The following GRIN2A variants were observed in gnomAD, a reference collection of about 807,000 sequenced individuals.
GRIN2A encodes glutamate ionotropic receptor NMDA type subunit 2A.
A neutral mutation model predicts 113.4 loss-of-function variants in GRIN2A; 22 were observed. The observed-to-expected ratio is 0.19, with a 90% CI of 0.14 to 0.28. GRIN2A has a LOEUF of 0.28. Ranked by LOEUF, GRIN2A falls within the 10% of genes least tolerant of loss-of-function variation. GRIN2A has a pLI of 1.00. For synonymous variants in GRIN2A, 827 were observed against 738.4 expected (o/e 1.12, Z -1.94); for missense variants, 1,502 against 1,887.0 (o/e 0.80, Z 3.78).
At chr16:9,890,410 AGAT>A (rs1320843169) in intron 4 of GRIN2A, among the ~76,000 whole-genome samples, 3 of 152,244 alleles carry the variant, frequency 2.0e-5, no homozygotes, top group Admixed American at 1.3e-4. Flanking sequence ...ATGGTACATA[AGAT>A]GATGATTTTT....
chr16:10,075,372 T>C (rs1287816528), intron 2 of GRIN2A, among the ~76,000 whole-genome samples: 2 of 152,030 alleles, frequency 1.3e-5, no homozygotes, highest in African/African-American at 4.8e-5. Context: ...CCTCTACTTA[T>C]ATGGGATACC....
At position 9,859,515 on chromosome 16, in the gene GRIN2A, T is replaced by C. The variant is rs1201749877; in HGVS notation, c.1123-9554A>G. Reference sequence around the variant, plus strand: ...ACTTATATACAGGTACATTCATGCCTACCCACGCTCACATTATAATCACAT... The same window carrying C: ...ACTTATATACAGGTACATTCATGCCCACCCACGCTCACATTATAATCACAT... On this transcript the variant is annotated intron_variant, in intron 4 of 12. Coordinates refer to ENST00000330684, the MANE Select transcript of GRIN2A (RefSeq NM_001134407.3). 2.6e-5 allele frequency among the ~76,000 whole-genome samples: 4 copies of C among 151,700 alleles called. No homozygotes were observed. The East Asian group carries it at 7.8e-4, about 30-fold the overall frequency.
At chr16:9,996,747 C>G (rs1219065871) in intron 2 of GRIN2A, among the ~76,000 whole-genome samples, 1 of 152,146 alleles carries the variant, frequency 6.6e-6, no homozygotes, top group Non-Finnish European at 1.5e-5. Context: ...ACTACAGCAC[C>G]TAGCACATAG....
chr16:9,828,127 G>A (rs2042421529), intron 9 of GRIN2A, among the ~76,000 whole-genome samples: 1 of 152,158 alleles, frequency 6.6e-6, no homozygotes, highest in African/African-American at 2.4e-5. Flanking sequence ...AGAAGATTGG[G>A]GAAGAACATT....
At chr16:9,817,400 A>G (rs1191891458) in intron 10 of GRIN2A, among the ~76,000 whole-genome samples, 1 of 152,210 alleles carries the variant, frequency 6.6e-6, no homozygotes, top group Admixed American at 6.5e-5. Context: ...GCATTTTGAC[A>G]GGTAATCATG....
At chr16:9,908,668 T>C (rs1487828702) in intron 3 of GRIN2A, among the ~76,000 whole-genome samples, 1 of 152,176 alleles carries the variant, frequency 6.6e-6, no homozygotes, top group Non-Finnish European at 1.5e-5. Flanking sequence ...TTACACTTGA[T>C]AATGAAACAA....
At chr16:10,174,256 A>G (rs1596580249) in intron 2 of GRIN2A, among the ~76,000 whole-genome samples, 1 of 152,224 alleles carries the variant, frequency 6.6e-6, no homozygotes, top group African/African-American at 2.4e-5. Context: ...ATCTGTGTCA[A>G]GGAGCCAAAA....
chr16:9,949,334 C>T (rs959613043), intron 2 of GRIN2A, among the ~76,000 whole-genome samples: 15 of 151,726 alleles, frequency 9.9e-5, no homozygotes, highest in Non-Finnish European at 2.1e-4. Context: ...GATGGATGGA[C>T]GGACGGATGA....
intron 4 of GRIN2A, among the ~76,000 whole-genome samples, chr16:9,866,909 C>A (rs1302216668): frequency 6.6e-6 from 1 of 152,146 alleles, no homozygotes; most frequent in East Asian, 1.9e-4. Flanking sequence ...TCACTTAGAA[C>A]TGCTTGACTC....
chr16:10,009,489 T>A (rs1372674246), intron 2 of GRIN2A, among the ~76,000 whole-genome samples: 1 of 152,052 alleles, frequency 6.6e-6, no homozygotes. Flanking sequence ...TAAGTGCCCT[T>A]TTATTTGTGA....
At chr16:10,087,294 T>C (rs1226949527) in intron 2 of GRIN2A, among the ~76,000 whole-genome samples, 1 of 152,230 alleles carries the variant, frequency 6.6e-6, no homozygotes, top group Admixed American at 6.5e-5. Flanking sequence ...CTGCTGTCCC[T>C]CCTCTCTACA....
At chr16:10,077,971 G>A (rs1348695739) in intron 2 of GRIN2A, among the ~76,000 whole-genome samples, 1 of 152,138 alleles carries the variant, frequency 6.6e-6, no homozygotes, top group African/African-American at 2.4e-5. Context: ...CCATCCACGT[G>A]AACCAGGATA....
In GRIN2A at chr16:9,933,961, A is replaced by C. The variant is rs141581600; in HGVS notation, c.1007+3998T>G. Among the ~76,000 whole-genome samples, 1,015 of 152,354 alleles carry C rather than the reference A, an allele frequency of 6.7e-3. 15 individuals carry two copies. Among genetic ancestry groups the C allele is most frequent in the African/African-American group, 0.023 (965 of 41,582 alleles). Reference sequence around the variant, plus strand: ...TACGGTTGCACATGTATGTGTATTGAAAGTACGAACACATGTACATGGATT... The same window carrying C: ...TACGGTTGCACATGTATGTGTATTGCAAGTACGAACACATGTACATGGATT... On this transcript the variant is annotated intron_variant, in intron 3 of 12. Transcript: ENST00000330684.
Position 10,111,375 on chromosome 16 carries a change from C to A in GRIN2A, c.414+68623G>T, listed in dbSNP as rs7189312. 3.4e-3 allele frequency: 1,581 copies of A among 459,716 alleles called. 29 individuals are homozygous for A. The highest frequency in any genetic ancestry group is 0.029 in the African/African-American group (1,477 of 50,116). 28.5% of individuals were successfully genotyped at this position (459,716 alleles called of 1,614,324 possible). On this transcript the variant is annotated intron_variant, in intron 2 of 12. Transcript: ENST00000330684. Reference sequence around the variant, plus strand: ...GTGTTTGTCGCTTCGCGGGGCCTTGCGGCAGCATGGCGAACCATCTGATCA... The same window carrying A: ...GTGTTTGTCGCTTCGCGGGGCCTTGAGGCAGCATGGCGAACCATCTGATCA...
At chr16:10,154,166 C>T (rs1006413112) in intron 2 of GRIN2A, among the ~76,000 whole-genome samples, 1 of 152,206 alleles carries the variant, frequency 6.6e-6, no homozygotes, top group Non-Finnish European at 1.5e-5. Context: ...CCACATCCCC[C>T]TCCCCACCTA....
chr16:9,895,362 G>A (rs1412801810), intron 3 of GRIN2A, among the ~76,000 whole-genome samples: 1 of 152,198 alleles, frequency 6.6e-6, no homozygotes, highest in Non-Finnish European at 1.5e-5. Flanking sequence ...GAAACATCAT[G>A]ATGTGTTCAA....
At chr16:9,969,818 C>G (rs1162376048) in intron 2 of GRIN2A, among the ~76,000 whole-genome samples, 1 of 152,214 alleles carries the variant, frequency 6.6e-6, no homozygotes, top group African/African-American at 2.4e-5. Flanking sequence ...GCTCCCTATT[C>G]ACAAATAATT....
chr16:9,815,680 A>G (rs750889312), intron 10 of GRIN2A, among the ~76,000 whole-genome samples: 77 of 152,206 alleles, frequency 5.1e-4, no homozygotes, highest in Non-Finnish European at 7.6e-4. Context: ...TGTTGGTGGG[A>G]ATGCAAATGG....
At chr16:9,776,272 T>A (rs1901596614) in intron 11 of GRIN2A, among the ~76,000 whole-genome samples, 1 of 135,810 alleles carries the variant, frequency 7.4e-6, no homozygotes. Context: ...TACCATAACA[T>A]CCTGGATTTT....
Sources: allele counts gnomAD v4.1 joint callset (sites outside exome capture counted in the v4.1 genomes callset), GRCh38; gene constraint gnomAD v4.1.1; transcripts MANE v1.5; gene names NCBI Gene and HGNC (gene_info 2026-07-23, HGNC 2026-07-21).